The following ASB18 variants were observed in gnomAD, a reference collection of about 807,000 sequenced individuals.
ASB18 encodes the protein ankyrin repeat and SOCS box containing 18.
In ASB18, 33 loss-of-function variants were observed where a neutral mutation model predicts 33.4. The observed-to-expected ratio is 0.99, with a 90% CI of 0.75 to 1.32. ASB18 has a LOEUF of 1.32. Among genes scored for constraint, ASB18 ranks in the 40% most tolerant of loss-of-function variants. The pLI is 0.00. For missense variants in ASB18, 694 were observed against 655.5 expected (o/e 1.06, Z -0.64); for synonymous variants, 295 against 307.6 (o/e 0.96, Z 0.43).
In ASB18 at chr2:236,237,896, T is replaced by TGGGCCGC. The variant is rs2060602903; in HGVS notation, c.382_388dup (p.His130ArgfsTer274). 1 of 1,497,944 alleles carries TGGGCCGC rather than the reference T, an allele frequency of 6.7e-7. No homozygotes were observed. Among genetic ancestry groups the TGGGCCGC allele is most frequent in the Admixed American group, 2.2e-5 (1 of 46,438 alleles). The allele number at this position is 1,497,944 out of a possible 1,614,324, so 92.8% of individuals were successfully genotyped here. ...GTGTCGCACGCAGGCGGTGTGGCCG[T>TGGGCCGC]GGGCCGCGGCGATGCACAGGGGCGT... On this transcript the variant is annotated frameshift_variant, in exon 3 of 6. Coordinates refer to ENST00000409749, the MANE Select transcript of ASB18 (RefSeq NM_212556.4). LOFTEE classifies it high-confidence loss of function. This position sits in a 1 kb window ranked among gnomAD's most constrained non-coding sequence, Gnocchi z 6.2.
At chr2:236,243,493 G>A (rs2060631560) in intron 1 of ASB18, among the ~76,000 whole-genome samples, 1 of 152,080 alleles carries the variant, frequency 6.6e-6, no homozygotes, top group African/African-American at 2.4e-5. Context: ...CTGAGGATGT[G>A]TGAAGGAGGC....
At chr2:236,242,444 T>C (rs1363565185) in intron 1 of ASB18, among the ~76,000 whole-genome samples, 2 of 152,196 alleles carry the variant, frequency 1.3e-5, no homozygotes, top group African/African-American at 4.8e-5. Flanking sequence ...CTCCCAGCTC[T>C]TGTATGGTTT....
rs2060600570 is a variant in ASB18 at position 236,237,608 on chromosome 2, G to A, written c.596+81C>T. On this transcript the variant is annotated intron_variant, in intron 3 of 5. Coordinates refer to ENST00000409749, the MANE Select transcript of ASB18 (RefSeq NM_212556.4). The surrounding 1 kb of genome is among the most constrained non-coding windows in gnomAD (Gnocchi z 6.2). ...GGGGGCTGGGACGGAGGCGGAGGCG[G>A]GGTCGGCGGTCTCGTGGGGGGAGGC... The A allele has an allele frequency of 1.7e-6, 2 of 1,182,394 alleles. No individual in the cohort carries two copies. Among genetic ancestry groups the A allele is most frequent in the Admixed American group, 4.2e-5 (1 of 23,718 alleles). 73.2% of individuals were successfully genotyped at this position (1,182,394 alleles called of 1,614,324 possible). A position where few individuals can be genotyped will look rare whatever the true frequency, so the allele number is the denominator to read the frequency against.
At position 236,256,173 on chromosome 2, in the gene ASB18, G is replaced by T. The variant is rs1220312749; in HGVS notation, c.205+7968C>A. Among the ~76,000 whole-genome samples the T allele has an allele frequency of 1.3e-5, 2 of 152,052 alleles. No individual in the cohort carries two copies. Among genetic ancestry groups the T allele is most frequent in the African/African-American group, 4.8e-5 (2 of 41,396 alleles). ...CCCAAGTAACTGGGACTATAGGTGTGTGCCATCATGCCCAGGCTAATTGGT... is the reference window on the plus strand; with the variant it reads ...CCCAAGTAACTGGGACTATAGGTGTTTGCCATCATGCCCAGGCTAATTGGT... On this transcript the variant is annotated intron_variant, in intron 1 of 5. Transcript: ENST00000409749. The surrounding 1 kb of genome is among the most constrained non-coding windows in gnomAD (Gnocchi z 4.7).
In ASB18 at chr2:236,253,243, C is replaced by G. The variant is rs1256710734; in HGVS notation, c.205+10898G>C. Among the ~76,000 whole-genome samples, 1 of 152,174 alleles carries G rather than the reference C, an allele frequency of 6.6e-6. No individual in the cohort carries two copies. Among genetic ancestry groups the G allele is most frequent in the Non-Finnish European group, 1.5e-5 (1 of 68,020 alleles). On this transcript the variant is annotated intron_variant, in intron 1 of 5. Coordinates refer to ENST00000409749, the MANE Select transcript of ASB18 (RefSeq NM_212556.4). This position sits in a 1 kb window ranked among gnomAD's most constrained non-coding sequence, Gnocchi z 5.4. ...CAGATGTGCAAACGCCAGGAAGGGA[C>G]TGCGGACTGAGGTGTTGTGGAGATG... is the stretch of plus-strand genomic sequence containing the variant.
rs2060667601 is a variant in ASB18, at chr2:236,251,226, G to A, written c.206-9824C>T. On this transcript the variant is annotated intron_variant, in intron 1 of 5. Transcript: ENST00000409749. The surrounding 1 kb of genome is among the most constrained non-coding windows in gnomAD (Gnocchi z 5.3). ...AAACAAAGATGCCCTTGAACACCGT[G>A]TATCCGCTGTGGATGAGTGCAAAAC... Among the ~76,000 whole-genome samples, 1 of 152,188 alleles carries A rather than the reference G, an allele frequency of 6.6e-6. No homozygotes were observed. Among genetic ancestry groups the A allele is most frequent in the Non-Finnish European group, 1.5e-5 (1 of 68,036 alleles).
rs927622105 is a variant in ASB18 at position 236,225,462 on chromosome 2, A to G, written c.597-10596T>C. Among the ~76,000 whole-genome samples, 1 of 152,208 alleles carries G rather than the reference A, an allele frequency of 6.6e-6. No individual in the cohort carries two copies. Reference sequence around the variant, plus strand: ...TAACACACCTGGGACAAAAAAGTAAACTTGCATGCTTTTCATTAATAAATT... The same window carrying G: ...TAACACACCTGGGACAAAAAAGTAAGCTTGCATGCTTTTCATTAATAAATT... On this transcript the variant is annotated intron_variant, in intron 3 of 5. Coordinates refer to ENST00000409749, the MANE Select transcript of ASB18 (RefSeq NM_212556.4). The surrounding 1 kb of genome is among the most constrained non-coding windows in gnomAD (Gnocchi z 5.1).
chr2:236,206,666 G>C (rs1246669546), intron 4 of ASB18, among the ~76,000 whole-genome samples: 1 of 152,152 alleles, frequency 6.6e-6, no homozygotes. Flanking sequence ...TAAACCACCT[G>C]TATCAGAGTC....
At chr2:236,236,215 G>A (rs2060588070) in intron 3 of ASB18, among the ~76,000 whole-genome samples, 1 of 152,176 alleles carries the variant, frequency 6.6e-6, no homozygotes, top group Admixed American at 6.5e-5. Flanking sequence ...TAAAAGGAAT[G>A]AACTACGGAC....
chr2:236,199,019 C>A lies in ASB18; in HGVS notation c.1102-2634G>T, dbSNP rs192850072. 3.5e-3 allele frequency among the ~76,000 whole-genome samples: 526 copies of A among 152,232 alleles called. 2 individuals carry two copies. Among genetic ancestry groups the A allele is most frequent in the Non-Finnish European group, 6.1e-3 (416 of 68,018 alleles). On this transcript the variant is annotated intron_variant, in intron 4 of 5. Transcript: ENST00000409749. ...CTTGAACATTAGTTTCAAATAGATA[C>A]CCTGTTCTAAGTTAAGAAAATATCT...
rs1448534831 is a variant in ASB18 at position 236,204,033 on chromosome 2, A to C, written c.1102-7648T>G. On this transcript the variant is annotated intron_variant, in intron 4 of 5. Coordinates refer to ENST00000409749, the MANE Select transcript of ASB18 (RefSeq NM_212556.4). The surrounding 1 kb of genome is among the most constrained non-coding windows in gnomAD (Gnocchi z 5.1). ...TGGTGGCCTCACCTCAGGTGGTGGC[A>C]GTCAGGAGGGTAGGAGATTTTGAGA... is the stretch of plus-strand genomic sequence containing the variant. 1.3e-5 allele frequency among the ~76,000 whole-genome samples: 2 copies of C among 152,230 alleles called. No individual in the cohort carries two copies. The highest frequency in any genetic ancestry group is 4.8e-5 in the African/African-American group (2 of 41,470).
In ASB18 at chr2:236,215,070, T is replaced by A. The variant is rs1576398814; in HGVS notation, c.597-204A>T. On this transcript the variant is annotated intron_variant, in intron 3 of 5. Transcript: ENST00000409749. The surrounding 1 kb of genome is among the most constrained non-coding windows in gnomAD (Gnocchi z 7.2). ...TATGGCAAAACCAGCTCCTGAGTGG[T>A]GTAAATAGCAAAGGATATGCCATAA... is the stretch of plus-strand genomic sequence containing the variant. Among the ~76,000 whole-genome samples the A allele has an allele frequency of 6.8e-6, 1 of 147,140 alleles. No individual in the cohort carries two copies. The highest frequency in any genetic ancestry group is 2.2e-4 in the South Asian group (1 of 4,582).
At position 236,236,877 on chromosome 2, in the gene ASB18, C is replaced by G. The variant is rs1454796456; in HGVS notation, c.596+812G>C. The stretch of plus-strand genomic sequence containing the variant: ...GGCCATGCAATGACAACTCCAAGGG[C>G]AGGGGCTGGAGCATTTTGACTAACA... On this transcript the variant is annotated intron_variant, in intron 3 of 5. Transcript: ENST00000409749. Among the ~76,000 whole-genome samples, 12 of 152,352 alleles carry G rather than the reference C, an allele frequency of 7.9e-5. No individual in the cohort carries two copies. The East Asian group carries it at 2.3e-3, about 29-fold the overall frequency.
chr2:236,220,992 C>T lies in ASB18; in HGVS notation c.597-6126G>A, dbSNP rs189313238. Among the ~76,000 whole-genome samples, 20 of 152,226 alleles carry T rather than the reference C, an allele frequency of 1.3e-4. 1 individual carries two copies. The East Asian group carries it at 3.5e-3, about 26-fold the overall frequency. ...TCATTCTACGGGGTGGCACAGTAAC[C>T]GGTTCTCACCCAGTCCTCCTAGCTA... On this transcript the variant is annotated intron_variant, in intron 3 of 5. Coordinates refer to ENST00000409749, the MANE Select transcript of ASB18 (RefSeq NM_212556.4). This position sits in a 1 kb window ranked among gnomAD's most constrained non-coding sequence, Gnocchi z 5.1.
At position 236,237,657 on chromosome 2, in the gene ASB18, C is replaced by A. The variant is rs1165755994; in HGVS notation, c.596+32G>T. 7.3e-7 allele frequency: 1 copy of A among 1,362,696 alleles called. No individual in the cohort carries two copies. The highest frequency in any genetic ancestry group is 1.7e-5 in the South Asian group (1 of 60,006). 84.4% of individuals were successfully genotyped at this position (1,362,696 alleles called of 1,614,324 possible). A position where few individuals can be genotyped will look rare whatever the true frequency, so the allele number is the denominator to read the frequency against. On this transcript the variant is annotated intron_variant, in intron 3 of 5. Coordinates refer to ENST00000409749, the MANE Select transcript of ASB18 (RefSeq NM_212556.4). This position sits in a 1 kb window ranked among gnomAD's most constrained non-coding sequence, Gnocchi z 6.2. ...GCGGGCGTCTGGTCTCGGGGCGGGGCGGACGCCGCGGGCCTGTCCCGAGGT... is the reference window on the plus strand; with the variant it reads ...GCGGGCGTCTGGTCTCGGGGCGGGGAGGACGCCGCGGGCCTGTCCCGAGGT...
rs766522803 is a variant in ASB18, at chr2:236,219,877, T to C, written c.597-5011A>G. 6.6e-6 allele frequency among the ~76,000 whole-genome samples: 1 copy of C among 152,160 alleles called. No homozygotes were observed. Among genetic ancestry groups the C allele is most frequent in the Non-Finnish European group, 1.5e-5 (1 of 68,034 alleles). On this transcript the variant is annotated intron_variant, in intron 3 of 5. Transcript: ENST00000409749. This position sits in a 1 kb window ranked among gnomAD's most constrained non-coding sequence, Gnocchi z 6.4. ...CAGGGTAGAACAGTCACCGTTGGGA[T>C]CTAAGGGTAGAATTCCCATCTGAGG...
chr2:236,243,028 A>G (rs1336747746), intron 1 of ASB18, among the ~76,000 whole-genome samples: 1 of 147,552 alleles, frequency 6.8e-6, no homozygotes, highest in Non-Finnish European at 1.5e-5. Context: ...CTCAAAAAAA[A>G]AAAAAAAAAA....
rs2060579904 is a variant in ASB18, at chr2:236,234,471, A to G, written c.596+3218T>C. On this transcript the variant is annotated intron_variant, in intron 3 of 5. Coordinates refer to ENST00000409749, the MANE Select transcript of ASB18 (RefSeq NM_212556.4). This position sits in a 1 kb window ranked among gnomAD's most constrained non-coding sequence, Gnocchi z 4.1. ...ATCCTTTTTGGTGTGTGGCATAAAG[A>G]TTGTGAGGAGCCAACACCACTGGCT... Among the ~76,000 whole-genome samples the G allele has an allele frequency of 1.3e-5, 2 of 152,246 alleles. No individual in the cohort carries two copies. The highest frequency in any genetic ancestry group is 4.1e-4 in the South Asian group (2 of 4,824).
rs528780804 is a variant in ASB18, at chr2:236,216,992, A to C, written c.597-2126T>G. Among the ~76,000 whole-genome samples the C allele has an allele frequency of 2.0e-3, 299 of 152,212 alleles. 2 individuals carry two copies. Among genetic ancestry groups the C allele is most frequent in the African/African-American group, 6.8e-3 (282 of 41,542 alleles). Reference sequence around the variant, plus strand: ...GTTGCCCCGCTGCACGTGATGGCCCACACAGTCCCATCTTTCCTTCCTCTT... The same window carrying C: ...GTTGCCCCGCTGCACGTGATGGCCCCCACAGTCCCATCTTTCCTTCCTCTT... On this transcript the variant is annotated intron_variant, in intron 3 of 5. Coordinates refer to ENST00000409749, the MANE Select transcript of ASB18 (RefSeq NM_212556.4). This position sits in a 1 kb window ranked among gnomAD's most constrained non-coding sequence, Gnocchi z 6.1.
Sources: gnomAD v4.1 joint callset for allele counts (sites outside exome capture counted in the v4.1 genomes callset) on GRCh38, gnomAD v4.1.1 for gene constraint, Gnocchi (gnomAD v3.1) non-coding constraint, MANE v1.5 for transcripts, NCBI Gene and HGNC (gene_info 2026-07-23, HGNC 2026-07-21) for gene names.